Variants in FRYL observed in about 807,000 individuals in gnomAD.
The protein encoded by FRYL is FRY like transcription coactivator, also known as protein furry homolog-like.
Under a neutral mutation model 351.2 loss-of-function variants are expected in FRYL, and 150 were observed. The observed-to-expected ratio is 0.43, with a 90% CI of 0.37 to 0.49. The LOEUF is 0.49. Ranked by LOEUF, FRYL falls within the 20% of genes least tolerant of loss-of-function variation. The probability of loss-of-function intolerance (pLI) is 0.00; values close to 1 mark genes in which losing one functional copy is unlikely to be tolerated. For missense variants in FRYL, 3,036 were observed against 3,619.3 expected (o/e 0.84, Z 4.13); for synonymous variants, 1,153 against 1,257.1 (o/e 0.92, Z 1.75).
intron 49 of FRYL, among the ~76,000 whole-genome samples, chr4:48,533,321 A>G (rs1728111853): frequency 1.3e-5 from 2 of 152,084 alleles, no homozygotes; most frequent in Non-Finnish European, 2.9e-5. Flanking sequence ...AGAAAGAGAT[A>G]TAACTGCTAT....
chr4:48,744,534 C>T (rs1466619010), intron 1 of FRYL, among the ~76,000 whole-genome samples: 1 of 152,184 alleles, frequency 6.6e-6, no homozygotes, highest in Non-Finnish European at 1.5e-5. Flanking sequence ...CAAATAGTTG[C>T]ATATGCCTGA....
intron 1 of FRYL, among the ~76,000 whole-genome samples, chr4:48,763,376 C>T (rs1368580839): frequency 2.0e-5 from 3 of 151,542 alleles, no homozygotes; most frequent in East Asian, 1.9e-4. Flanking sequence ...GCAGGAGGAT[C>T]GCTTGATCCC....
At chr4:48,531,430 A>C in intron 49 of FRYL, 77 bp from the exon 50 acceptor site, 1 of 830,874 alleles carries the variant, frequency 1.2e-6, no homozygotes, top group Middle Eastern at 2.5e-4. Flanking sequence ...TGTACACCAT[A>C]AAAATATTAT....
chr4:48,733,466 A>T (rs1215867015), intron 1 of FRYL, among the ~76,000 whole-genome samples: 1 of 152,018 alleles, frequency 6.6e-6, no homozygotes, highest in East Asian at 1.9e-4. Context: ...AAAAATAAAA[A>T]AAGGAAAAGG....
At chr4:48,552,700 T>G (rs1049428877) in intron 36 of FRYL, among the ~76,000 whole-genome samples, 1 of 152,128 alleles carries the variant, frequency 6.6e-6, no homozygotes, top group African/African-American at 2.4e-5. Context: ...GAAGCATTAT[T>G]AGACATCTCC....
At chr4:48,754,243 G>T (rs1273050711) in intron 1 of FRYL, among the ~76,000 whole-genome samples, 3 of 151,972 alleles carry the variant, frequency 2.0e-5, no homozygotes, top group African/African-American at 7.3e-5. Context: ...TACCTGTTGT[G>T]GATACTTCAT....
chr4:48,636,868 A>G (rs1233741984), intron 3 of FRYL: 2 of 152,116 alleles, frequency 1.3e-5, no homozygotes, highest in Admixed American at 1.3e-4. Flanking sequence ...TAAATTTCAA[A>G]TTTTATTTTG....
At chr4:48,638,064 T>G (rs1167567714) in intron 3 of FRYL, 1 of 151,952 alleles carries the variant, frequency 6.6e-6, no homozygotes, top group Non-Finnish European at 1.5e-5. Flanking sequence ...TCCCTACAGG[T>G]AGATGTGGTC....
intron 2 of FRYL, among the ~76,000 whole-genome samples, chr4:48,705,582 G>T (rs1367232155): frequency 6.9e-6 from 1 of 144,980 alleles, no homozygotes; most frequent in Non-Finnish European, 1.5e-5. Context: ...AAAGTTTCTA[G>T]AATATGAGTA....
At chr4:48,507,350 T>TAATC (rs532542115) in intron 59 of FRYL, among the ~76,000 whole-genome samples, 152 of 152,318 alleles carry the variant, frequency 1.0e-3, no homozygotes, top group East Asian at 2.5e-3. Context: ...AGTTCACATC[T>TAATC]AATCAATCAG....
chr4:48,555,921 G>C (rs1734010325), intron 35 of FRYL, among the ~76,000 whole-genome samples: 1 of 152,122 alleles, frequency 6.6e-6, no homozygotes, highest in Admixed American at 6.6e-5. Flanking sequence ...TTGAGATGGA[G>C]TCTCACTCTG....
At chr4:48,581,094 G>A (rs1465488406) in intron 21 of FRYL, 143 bp from the exon 22 acceptor site, 4 of 569,890 alleles carry the variant, frequency 7.0e-6, no homozygotes, top group Non-Finnish European at 1.2e-5. Context: ...CACCCAGGCT[G>A]GAGTGCAGCA....
intron 1 of FRYL, among the ~76,000 whole-genome samples, chr4:48,760,881 T>A (rs1774332601): frequency 6.6e-6 from 1 of 152,120 alleles, no homozygotes. Flanking sequence ...TTTCGCCATG[T>A]TGACCAGGCT....
chr4:48,545,966 A>G (rs1324835848), intron 42 of FRYL, 101 bp downstream of exon 42: 1 of 1,028,448 alleles, frequency 9.7e-7, no homozygotes, highest in African/African-American at 1.6e-5. Flanking sequence ...ATTTCACATC[A>G]ATGGTATTTC....
intron 2 of FRYL, among the ~76,000 whole-genome samples, chr4:48,706,316 A>T (rs1767340219): frequency 6.6e-6 from 1 of 152,248 alleles, no homozygotes; most frequent in Non-Finnish European, 1.5e-5. Context: ...GCCTTAAAAA[A>T]GAATGAAATT....
rs1758567772 is a variant in FRYL, at chr4:48,655,168, T to A, written c.-80-20678A>T. On this transcript the variant is annotated intron_variant, in intron 3 of 63. Coordinates refer to ENST00000358350, the MANE Select transcript of FRYL (RefSeq NM_015030.2). ...GAGATATTCAGTGGTAGTGGTATTT[T>A]TTGGAAGGGGTGGGGGTCATTTGAA... Among the ~76,000 whole-genome samples the A allele has an allele frequency of 2.0e-5, 3 of 152,278 alleles. No individual in the cohort carries two copies. In the South Asian group the frequency reaches 6.2e-4, roughly 32 times the overall value.
At chr4:48,749,772 C>G (rs569951555) in intron 1 of FRYL, among the ~76,000 whole-genome samples, 1 of 152,252 alleles carries the variant, frequency 6.6e-6, no homozygotes. Flanking sequence ...GTCCCATATC[C>G]TCCCAAGTGA....
At chr4:48,580,770 G>T in intron 22 of FRYL, 95 bp downstream of exon 22, 1 of 762,172 alleles carries the variant, frequency 1.3e-6, no homozygotes. Context: ...CATTTGTTAA[G>T]GAAGTTATTT....
intron 3 of FRYL, among the ~76,000 whole-genome samples, chr4:48,678,966 A>G (rs1273708427): frequency 1.3e-5 from 2 of 152,148 alleles, no homozygotes; most frequent in African/African-American, 4.8e-5. Flanking sequence ...AGAACCAGTT[A>G]AGAGATAAAA....
Sources: allele counts gnomAD v4.1 joint callset (sites outside exome capture counted in the v4.1 genomes callset), GRCh38; gene constraint gnomAD v4.1.1; transcripts MANE v1.5; gene names NCBI Gene and HGNC (gene_info 2026-07-23, HGNC 2026-07-21).